The following MICU1 variants were observed in gnomAD, a reference collection of about 807,000 sequenced individuals.
The protein encoded by MICU1 is mitochondrial calcium uptake 1.
A neutral mutation model predicts 56.8 loss-of-function variants in MICU1; 45 were observed. The ratio of observed to expected loss-of-function variants is 0.79; its 90% CI spans 0.62 to 1.02. The LOEUF is 1.02. MICU1 is among the 50% of genes least tolerant of loss of function. The probability of loss-of-function intolerance (pLI) is 0.00; values close to 1 mark genes in which losing one functional copy is unlikely to be tolerated. For missense variants in MICU1, 504 were observed against 587.1 expected (o/e 0.86, Z 1.46); for synonymous variants, 186 against 195.1 (o/e 0.95, Z 0.39).
chr10:72,421,342 G>A (rs897024674), intron 9 of MICU1, among the ~76,000 whole-genome samples: 2 of 151,060 alleles, frequency 1.3e-5, no homozygotes, highest in Non-Finnish European at 2.9e-5. Context: ...TGCAACCTCC[G>A]CCTCCCTCTG....
At chr10:72,414,016 C>T (rs1007161835) in intron 9 of MICU1, among the ~76,000 whole-genome samples, 9 of 152,230 alleles carry the variant, frequency 5.9e-5, no homozygotes, top group Non-Finnish European at 1.2e-4. Flanking sequence ...CTGGAACTCT[C>T]GTATATTCAC....
At chr10:72,465,132 C>G (rs1335931044) in intron 8 of MICU1, among the ~76,000 whole-genome samples, 1 of 152,060 alleles carries the variant, frequency 6.6e-6, no homozygotes, top group African/African-American at 2.4e-5. Flanking sequence ...TCCCGAGTAG[C>G]TGGAATTACA....
chr10:72,510,582 G>C (rs1254713391), intron 5 of MICU1, among the ~76,000 whole-genome samples: 1 of 152,014 alleles, frequency 6.6e-6, no homozygotes, highest in African/African-American at 2.4e-5. Context: ...TTATAGCACA[G>C]TGTATATTTA....
chr10:72,508,512 T>C, intron 5 of MICU1: 1 of 281,312 alleles, frequency 3.6e-6, no homozygotes, highest in Non-Finnish European at 6.6e-6. Flanking sequence ...ATTTCAATGT[T>C]AGAACCCTCT....
At chr10:72,375,123 C>T (rs1862475360) in intron 11 of MICU1, among the ~76,000 whole-genome samples, 1 of 152,136 alleles carries the variant, frequency 6.6e-6, no homozygotes, top group African/African-American at 2.4e-5. Flanking sequence ...CTCTGAGTCT[C>T]AGCTTTCTCA....
At chr10:72,447,227 G>A (rs1487055363) in intron 8 of MICU1, among the ~76,000 whole-genome samples, 3 of 152,098 alleles carry the variant, frequency 2.0e-5, no homozygotes, top group Non-Finnish European at 2.9e-5. Flanking sequence ...TAGGTTGAGG[G>A]ATAATAATGT....
At chr10:72,540,855 T>G (rs939274138) in intron 4 of MICU1, among the ~76,000 whole-genome samples, 4 of 152,238 alleles carry the variant, frequency 2.6e-5, no homozygotes, top group Non-Finnish European at 4.4e-5. Flanking sequence ...AGGTTGGCTT[T>G]CTTTCTTATA....
chr10:72,624,537 A>G (rs1021193442), intron 1 of MICU1, among the ~76,000 whole-genome samples: 1 of 152,222 alleles, frequency 6.6e-6, no homozygotes, highest in African/African-American at 2.4e-5. Context: ...GAATGTAAAC[A>G]ATCTACTGAA....
At chr10:72,584,901 G>A (rs1437911237) in intron 1 of MICU1, among the ~76,000 whole-genome samples, 2 of 152,016 alleles carry the variant, frequency 1.3e-5, no homozygotes, top group Non-Finnish European at 2.9e-5. Context: ...GAAAAAATGA[G>A]CTATCAATAA....
At chr10:72,456,987 T>TG (rs1865491337) in intron 8 of MICU1, among the ~76,000 whole-genome samples, 1 of 133,112 alleles carries the variant, frequency 7.5e-6, no homozygotes, top group Non-Finnish European at 1.5e-5. Flanking sequence ...GTGTGTGTGT[T>TG]TTGTTTGTTT....
At chr10:72,511,699 CA>C (rs772319402) in intron 5 of MICU1, among the ~76,000 whole-genome samples, 7 of 152,072 alleles carry the variant, frequency 4.6e-5, no homozygotes, top group Admixed American at 1.3e-4. Context: ...AAATGCAGTA[CA>C]AAAAAGGTCA....
At chr10:72,384,417 T>A (rs1862822266) in intron 10 of MICU1, among the ~76,000 whole-genome samples, 1 of 152,154 alleles carries the variant, frequency 6.6e-6, no homozygotes, top group South Asian at 2.1e-4. Flanking sequence ...ATTCTAGTAA[T>A]CATTCTTTTT....
chr10:72,439,751 C>G (rs1864855906), intron 8 of MICU1, among the ~76,000 whole-genome samples: 1 of 152,114 alleles, frequency 6.6e-6, no homozygotes, highest in Non-Finnish European at 1.5e-5. Context: ...TTCCTATCCA[C>G]CAATAACAGA....
intron 3 of MICU1, chr10:72,562,670 G>GA: frequency 2.7e-6 from 1 of 366,802 alleles, no homozygotes; most frequent in African/African-American, 2.1e-5. Flanking sequence ...AAAGAACTAA[G>GA]AAAAAATATG....
chr10:72,405,143 A>G (rs1324428151), intron 10 of MICU1, among the ~76,000 whole-genome samples: 1 of 152,098 alleles, frequency 6.6e-6, no homozygotes, highest in Admixed American at 6.6e-5. Context: ...TCCTGATCTC[A>G]GGTGATCTGC....
chr10:72,545,131 A>G (rs937683445), intron 4 of MICU1, among the ~76,000 whole-genome samples: 12 of 152,198 alleles, frequency 7.9e-5, no homozygotes, highest in African/African-American at 2.9e-4. Flanking sequence ...CTCAACCCAT[A>G]TAGGAATAAT....
intron 9 of MICU1, among the ~76,000 whole-genome samples, chr10:72,416,737 T>C (rs950639158): frequency 1.3e-5 from 2 of 152,158 alleles, no homozygotes; most frequent in African/African-American, 4.8e-5. Context: ...CAAGTTCGAA[T>C]TGTACTTCCT....
intron 7 of MICU1, among the ~76,000 whole-genome samples, chr10:72,475,572 G>A (rs1167096304): frequency 6.6e-6 from 1 of 151,838 alleles, no homozygotes; most frequent in African/African-American, 2.4e-5. Flanking sequence ...GGGACTATAG[G>A]TACACACCAT....
At chr10:72,590,847 T>A (rs1360162078) in intron 1 of MICU1, among the ~76,000 whole-genome samples, 4 of 139,746 alleles carry the variant, frequency 2.9e-5, no homozygotes, top group Admixed American at 7.1e-5. Flanking sequence ...AAATAAAAAT[T>A]AAAAAAAAAA....
Sources: gnomAD v4.1 joint callset for allele counts (sites outside exome capture counted in the v4.1 genomes callset) on GRCh38, gnomAD v4.1.1 for gene constraint, MANE v1.5 for transcripts, NCBI Gene and HGNC (gene_info 2026-07-23, HGNC 2026-07-21) for gene names.